RUNX1T1: variants seen among roughly 807,000 people sequenced by gnomAD.
RUNX1T1 encodes RUNX1 partner transcriptional co-repressor 1.
In RUNX1T1, 4 loss-of-function variants were observed where a neutral mutation model predicts 62.8. The ratio of observed to expected loss-of-function variants is 0.06; its 90% confidence interval spans 0.03 to 0.15. RUNX1T1 has a LOEUF of 0.15. Ranked by LOEUF, RUNX1T1 falls within the 10% of genes least tolerant of loss-of-function variation. The pLI, the probability that RUNX1T1 is intolerant of heterozygous loss-of-function variation, is 1.00. For missense variants in RUNX1T1, 508 were observed against 754.3 expected, an observed-to-expected ratio of 0.67 and a Z score of 3.82; for synonymous variants, 291 against 286.0, an observed-to-expected ratio of 1.02 and a Z score of -0.18.
intron 5 of RUNX1T1, among the ~76,000 whole-genome samples, chr8:91,995,580 G>C (rs151071022): frequency 1.3e-5 from 2 of 152,266 alleles, no homozygotes; most frequent in African/African-American, 4.8e-5. Flanking sequence ...TTGAGCCCAG[G>C]AGTTTAAGAC....
intron 6 of RUNX1T1, among the ~76,000 whole-genome samples, chr8:91,989,871 G>A (rs184170439): frequency 2.0e-5 from 3 of 152,306 alleles, no homozygotes; most frequent in East Asian, 1.9e-4. Flanking sequence ...TGGTACCTGC[G>A]AGAACATTAG....
chr8:92,063,215 A>C (rs1287461595), upstream of RUNX1T1, among the ~76,000 whole-genome samples: 1 of 152,176 alleles, frequency 6.6e-6, no homozygotes, highest in Non-Finnish European at 1.5e-5. Context: ...TCCTGCACAA[A>C]GTATCAGAAT....
chr8:91,998,687 T>C (rs1819178659), intron 5 of RUNX1T1, among the ~76,000 whole-genome samples: 1 of 152,220 alleles, frequency 6.6e-6, no homozygotes, highest in Non-Finnish European at 1.5e-5. Flanking sequence ...GCTGTTTCCC[T>C]TGCCTTTTCT....
At chr8:92,032,093 C>CAAAA (rs59047751) in intron 1 of RUNX1T1, among the ~76,000 whole-genome samples, 65 of 29,416 alleles carry the variant, frequency 2.2e-3, no homozygotes, top group African/African-American at 4.5e-3. Context: ...AATCCTGTCT[C>CAAAA]AAAAAAAAAA....
At chr8:91,981,523 T>TC (rs1375827490) in intron 8 of RUNX1T1, among the ~76,000 whole-genome samples, 1 of 141,598 alleles carries the variant, frequency 7.1e-6, no homozygotes, top group African/African-American at 2.6e-5. Context: ...CAAGCAATAC[T>TC]CCGGCCTCAG....
chr8:92,013,764 A>G (rs1365032806), intron 3 of RUNX1T1, among the ~76,000 whole-genome samples: 1 of 152,228 alleles, frequency 6.6e-6, no homozygotes, highest in Non-Finnish European at 1.5e-5. Flanking sequence ...GTAATATGCA[A>G]AAACCAACAG....
At chr8:92,082,219 T>G (rs2130825937) in intron 1 of RUNX1T1, among the ~76,000 whole-genome samples, 1 of 152,314 alleles carries the variant, frequency 6.6e-6, no homozygotes, top group East Asian at 1.9e-4. Flanking sequence ...AAACAGTAAC[T>G]TTTCTAAGTG....
intron 5 of RUNX1T1, among the ~76,000 whole-genome samples, chr8:92,000,303 AAAAAATAAATAAAT>A (rs1473024631): frequency 5.9e-5 from 9 of 152,154 alleles, no homozygotes; most frequent in African/African-American, 1.2e-4. Context: ...TTCATCTCAA[AAAAAATAAATAAAT>A]AAAAATAAAT....
chr8:92,017,076 C>T (rs1411594626), intron 2 of RUNX1T1, 150 bp downstream of exon 3: 1 of 627,072 alleles, frequency 1.6e-6, no homozygotes, highest in African/African-American at 1.8e-5. Flanking sequence ...TGCTCAGTAC[C>T]TACTTACTGG....
exon 1 of RUNX1T1, chr8:92,062,553 C>G (rs1172886443): frequency 6.2e-7 from 1 of 1,614,062 alleles, no homozygotes; most frequent in Non-Finnish European, 8.5e-7. Flanking sequence ...CACCAGGCAT[C>G]CTTGAATCCA....
intron 4 of RUNX1T1, 44 bp from the exon 6 acceptor site, chr8:92,005,341 C>A (rs1820545344): frequency 6.4e-7 from 1 of 1,567,882 alleles, no homozygotes; most frequent in African/African-American, 1.4e-5. Flanking sequence ...TGAAAGTTTT[C>A]TTCTGTCCTG....
chr8:92,018,717 G>A, intron 1 of RUNX1T1, among the ~76,000 whole-genome samples: 1 of 152,154 alleles, frequency 6.6e-6, no homozygotes, highest in East Asian at 1.9e-4. Context: ...CAAAGCAATT[G>A]CTTAACACTT....
At chr8:92,047,278 A>G (rs1268448631) in intron 1 of RUNX1T1, among the ~76,000 whole-genome samples, 5 of 152,144 alleles carry the variant, frequency 3.3e-5, no homozygotes, top group Middle Eastern at 3.4e-3. Context: ...ATATATCTCT[A>G]CATGGCCGCT....
chr8:91,994,535 G>C, intron 5 of RUNX1T1: 1 of 486,838 alleles, frequency 2.1e-6, no homozygotes, highest in Non-Finnish European at 4.1e-6. Flanking sequence ...TGGGAATCAA[G>C]AGACCTGAGA....
At chr8:92,060,553 A>ATATGTGTGTGTGTGTGTGTGTGTGTGTG in intron 1 of RUNX1T1, among the ~76,000 whole-genome samples, 1 of 63,974 alleles carries the variant, frequency 1.6e-5, no homozygotes, top group African/African-American at 5.8e-5. Context: ...ATATATATAT[A>ATATGTGTGTGTGTGTGTGTGTGTGTGTG]TGTGTGTGTG....
intron 1 of RUNX1T1, among the ~76,000 whole-genome samples, chr8:92,092,816 T>C (rs931077170): frequency 1.3e-4 from 20 of 152,206 alleles, no homozygotes; most frequent in Admixed American, 1.2e-3. Context: ...CAAATGAAAA[T>C]GCACATTAGG....
At chr8:92,031,304 C>A (rs1826175393) in intron 1 of RUNX1T1, among the ~76,000 whole-genome samples, 1 of 152,010 alleles carries the variant, frequency 6.6e-6, no homozygotes, top group Admixed American at 6.5e-5. Flanking sequence ...CCATTCAACC[C>A]CTATTGTGTG....
chr8:91,971,164 GA>G (rs1812748135), intron 9 of RUNX1T1: 1 of 252,006 alleles, frequency 4.0e-6, no homozygotes, highest in African/African-American at 2.2e-5. Flanking sequence ...AACAAAGGGT[GA>G]AAATGTTTCT....
intron 5 of RUNX1T1, among the ~76,000 whole-genome samples, chr8:92,002,574 TTTTGTTCATGACATGTCATGAACAA>T (rs1819976755): frequency 6.6e-6 from 1 of 152,170 alleles, no homozygotes; most frequent in Non-Finnish European, 1.5e-5. Flanking sequence ...TAGAGCGCTC[TTTTGTTCATGACATGTCATGAACAA>T]ATTACCAAAA....
Sources: allele counts gnomAD v4.1 joint callset (sites outside exome capture counted in the v4.1 genomes callset), GRCh38; gene constraint gnomAD v4.1.1; transcripts MANE v1.5; gene names NCBI Gene and HGNC (gene_info 2026-07-23, HGNC 2026-07-21).